AAGAB: variants seen among roughly 807,000 people sequenced by gnomAD.
The protein encoded by AAGAB is alpha- and gamma-adaptin-binding protein p34.
In AAGAB, 38 loss-of-function variants were observed where a neutral mutation model predicts 44.1. That is an observed-to-expected ratio of 0.86 (90% CI 0.67 to 1.13). The LOEUF (loss-of-function observed/expected upper bound fraction) is 1.13, where lower values mean the gene tolerates loss of function less well. AAGAB is among the 50% of genes most tolerant of loss of function. The pLI, the probability that AAGAB is intolerant of heterozygous loss-of-function variation, is 0.00. For missense variants in AAGAB, 450 were observed against 373.8 expected (o/e 1.20, Z -1.68); for synonymous variants, 131 against 131.8 (o/e 0.99, Z 0.04).
intron 5 of AAGAB, among the ~76,000 whole-genome samples, chr15:67,222,282 A>ACACACACACACACACACACC (rs796412643): frequency 0.017 from 2,333 of 139,476 alleles, 68 homozygotes; most frequent in Admixed American, 0.032. Flanking sequence ...ACACACACAC[A>ACACACACACACACACACACC]CCCTCCACCC....
chr15:67,250,900 G>C (rs1288199514), intron 1 of AAGAB, among the ~76,000 whole-genome samples: 2 of 152,146 alleles, frequency 1.3e-5, no homozygotes, highest in Non-Finnish European at 2.9e-5. Flanking sequence ...GGTGGTGGGC[G>C]CCTGTAGTCC....
At chr15:67,248,224 A>AAAT (rs1964774797) in intron 1 of AAGAB, among the ~76,000 whole-genome samples, 1 of 152,204 alleles carries the variant, frequency 6.6e-6, no homozygotes, top group Non-Finnish European at 1.5e-5. Flanking sequence ...AAATGTAAAT[A>AAAT]TATTAAGTAT....
upstream of AAGAB, chr15:67,254,932 A>T: frequency 1.2e-6 from 2 of 1,613,702 alleles, no homozygotes; most frequent in Non-Finnish European, 8.5e-7. Flanking sequence ...ACCCTGTCGG[A>T]TCCATCTTAA....
At chr15:67,244,752 C>T (rs553138755) in intron 1 of AAGAB, among the ~76,000 whole-genome samples, 3 of 151,118 alleles carry the variant, frequency 2.0e-5, no homozygotes, top group East Asian at 3.9e-4. Context: ...TGCAGTGAGC[C>T]GAGATCACAC....
chr15:67,251,160 A>C (rs1964859368), intron 1 of AAGAB, among the ~76,000 whole-genome samples: 1 of 152,192 alleles, frequency 6.6e-6, no homozygotes, highest in Non-Finnish European at 1.5e-5. Flanking sequence ...TTTCTAATGA[A>C]GTCCATGCAT....
chr15:67,225,666 G>A (rs747898319), intron 5 of AAGAB, among the ~76,000 whole-genome samples: 2 of 151,998 alleles, frequency 1.3e-5, no homozygotes, highest in Admixed American at 6.5e-5. Context: ...CTCTCGTGTC[G>A]GGCTTTTTTC....
chr15:67,218,810 T>A (rs2140357190), intron 5 of AAGAB, among the ~76,000 whole-genome samples: 1 of 152,342 alleles, frequency 6.6e-6, no homozygotes, highest in East Asian at 1.9e-4. Context: ...AACCAGACTC[T>A]GATAGGACTG....
At chr15:67,250,764 T>G (rs959448017) in intron 1 of AAGAB, among the ~76,000 whole-genome samples, 2 of 152,238 alleles carry the variant, frequency 1.3e-5, no homozygotes, top group African/African-American at 4.8e-5. Context: ...CGGTGGCTCA[T>G]GCTTGTAATC....
Position 67,202,769 on chromosome 15 carries a change from G to A in AAGAB, c.*52C>T. The A allele has an allele frequency of 6.4e-7, 1 of 1,568,236 alleles. No individual in the cohort carries two copies. Among genetic ancestry groups the A allele is most frequent in the Non-Finnish European group, 8.8e-7 (1 of 1,138,270 alleles). ...AAATATGACTGGGCTGAGTAGAGAG[G>A]TATCTCAGAGACAGCTAGCATCTTT... On this transcript the variant is annotated 3_prime_UTR_variant, in exon 10 of 10. Coordinates refer to ENST00000261880, the MANE Select transcript of AAGAB (RefSeq NM_024666.5).
At chr15:67,230,738 T>C (rs1339468805) in intron 5 of AAGAB, among the ~76,000 whole-genome samples, 2 of 152,146 alleles carry the variant, frequency 1.3e-5, no homozygotes, top group Admixed American at 6.5e-5. Flanking sequence ...CCTCTTCAGA[T>C]TGCACTCCAG....
Position 67,236,596 on chromosome 15 carries a change from C to T in AAGAB, c.264+34G>A, listed in dbSNP as rs1402499234. On this transcript the variant is annotated intron_variant, in intron 2 of 9. Transcript: ENST00000261880. ...AAAAAAAGAAGGCATGCAATAATTTCTTATTCAAGCCTTCATAGAAAACAA... is the reference window on the plus strand; with the variant it reads ...AAAAAAAGAAGGCATGCAATAATTTTTTATTCAAGCCTTCATAGAAAACAA... 1.9e-6 allele frequency: 3 copies of T among 1,604,036 alleles called. No homozygotes were observed. In the African/African-American group the frequency reaches 4.0e-5, roughly 22 times the overall value.
chr15:67,219,598 A>C (rs1043384953), intron 5 of AAGAB, among the ~76,000 whole-genome samples: 3 of 152,150 alleles, frequency 2.0e-5, no homozygotes, highest in Non-Finnish European at 4.4e-5. Context: ...CACAAGTGGG[A>C]GCTAAACACT....
At chr15:67,213,535 G>A (rs1001266408) in intron 5 of AAGAB, among the ~76,000 whole-genome samples, 10 of 152,080 alleles carry the variant, frequency 6.6e-5, no homozygotes, top group Admixed American at 5.2e-4. Flanking sequence ...TATGGGGGAA[G>A]GGGAAAAGTT....
Position 67,254,586 on chromosome 15 carries a change from C to A in AAGAB, c.46G>T (p.Val16Phe), listed in dbSNP as rs1965026632. ...TGGACCAGCTGGTCTCCTGAGAAGA[C>A]GGAGGAGCAGCTGGTGACTAACGCA... ...PCALVTSCSS[V>F]FSGDQLVQHI... Residue 16 changes from valine to phenylalanine, a missense_variant, in exon 1 of 10, where the codon GTC becomes TTC. Transcript: ENST00000261880. 2 of 1,609,814 alleles carry A rather than the reference C, an allele frequency of 1.2e-6. No individual in the cohort carries two copies. Among genetic ancestry groups the A allele is most frequent in the Non-Finnish European group, 8.5e-7 (1 of 1,179,066 alleles).
intron 1 of AAGAB, among the ~76,000 whole-genome samples, chr15:67,243,235 G>A (rs1055639831): frequency 1.3e-5 from 2 of 152,036 alleles, no homozygotes; most frequent in East Asian, 3.9e-4. Flanking sequence ...ACATAAAGAA[G>A]CCATCAGGAA....
intron 5 of AAGAB, among the ~76,000 whole-genome samples, chr15:67,219,427 G>C (rs1054168047): frequency 6.6e-6 from 1 of 152,014 alleles, no homozygotes; most frequent in East Asian, 1.9e-4. Flanking sequence ...GCCTATCAAC[G>C]GTGGATTAGA....
At chr15:67,253,267 G>T (rs886836909) in intron 1 of AAGAB, among the ~76,000 whole-genome samples, 1 of 146,606 alleles carries the variant, frequency 6.8e-6, no homozygotes, top group African/African-American at 2.7e-5. Context: ...TGACGGGGGG[G>T]GGGGGGGGCA....
chr15:67,224,167 A>G (rs1268555986), intron 5 of AAGAB, among the ~76,000 whole-genome samples: 1 of 152,222 alleles, frequency 6.6e-6, no homozygotes, highest in African/African-American at 2.4e-5. Flanking sequence ...ATTTTTGTTT[A>G]ATTTGTTCAC....
At chr15:67,222,231 C>CGT (rs1491172484) in intron 5 of AAGAB, among the ~76,000 whole-genome samples, 31 of 81,036 alleles carry the variant, frequency 3.8e-4, no homozygotes, top group East Asian at 1.0e-3. Flanking sequence ...TGCACGCGCA[C>CGT]GCGCGCGCGC....
Sources: allele counts gnomAD v4.1 joint callset (sites outside exome capture counted in the v4.1 genomes callset), GRCh38; gene constraint gnomAD v4.1.1; transcripts MANE v1.5; gene names NCBI Gene and HGNC (gene_info 2026-07-23, HGNC 2026-07-21).